The following TMCO4 variants were observed in gnomAD, a reference collection of about 807,000 sequenced individuals.
The protein encoded by TMCO4 is transmembrane and coiled-coil domain-containing protein 4.
Under a neutral mutation model 64.7 loss-of-function variants are expected in TMCO4, and 58 were observed. That is an observed-to-expected ratio of 0.90 (90% CI 0.73 to 1.12). TMCO4 has a LOEUF of 1.12. TMCO4 is among the 50% of genes most tolerant of loss of function. The pLI is 0.00. For synonymous variants in TMCO4, 325 were observed against 346.1 expected (o/e 0.94, Z 0.68); for missense variants, 780 against 825.9 (o/e 0.94, Z 0.68).
intron 13 of TMCO4, among the ~76,000 whole-genome samples, chr1:19,716,165 T>TATTATTA (rs148511891): frequency 4.1e-5 from 6 of 144,902 alleles, no homozygotes; most frequent in African/African-American, 1.5e-4. Flanking sequence ...TTATTTTTAT[T>TATTATTA]TTATTATTAT....
intron 4 of TMCO4, among the ~76,000 whole-genome samples, chr1:19,777,008 C>T (rs1454709310): frequency 8.2e-6 from 1 of 121,822 alleles, no homozygotes; most frequent in Non-Finnish European, 1.6e-5. Context: ...GCCTGGGCCA[C>T]AGAACGAGAC....
At chr1:19,690,897 C>G (rs1036291038) in intron 15 of TMCO4, among the ~76,000 whole-genome samples, 2 of 120,476 alleles carry the variant, frequency 1.7e-5, no homozygotes, top group African/African-American at 3.2e-5. Context: ...GAAACAGAGT[C>G]TTGCTCTGTC....
Position 19,756,659 on chromosome 1 carries a change from A to G in TMCO4, c.383-893T>C, listed in dbSNP as rs192782835. Among the ~76,000 whole-genome samples, 539 of 152,356 alleles carry G rather than the reference A, an allele frequency of 3.5e-3. 2 individuals are homozygous for G. The highest frequency in any genetic ancestry group is 6.3e-3 in the Non-Finnish European group (428 of 68,036). ...GTGATTCCTAAGAAAAGTATGTAAT[A>G]ACTTTCAAAAATAAGTTCTTACCCA... On this transcript the variant is annotated intron_variant, in intron 6 of 15. Coordinates refer to ENST00000294543, the MANE Select transcript of TMCO4 (RefSeq NM_181719.7).
chr1:19,702,741 G>T (rs2095281327), intron 13 of TMCO4, among the ~76,000 whole-genome samples: 1 of 152,252 alleles, frequency 6.6e-6, no homozygotes, highest in Admixed American at 6.5e-5. Context: ...ACCAGCCTGG[G>T]TGACAGAGGC....
chr1:19,715,105 A>T (rs1006332047), intron 13 of TMCO4, among the ~76,000 whole-genome samples: 1 of 152,062 alleles, frequency 6.6e-6, no homozygotes, highest in Non-Finnish European at 1.5e-5. Context: ...TTAGCCAGGC[A>T]CACCTACAGT....
chr1:19,765,012 C>T (rs1357254675), intron 6 of TMCO4, among the ~76,000 whole-genome samples: 3 of 152,108 alleles, frequency 2.0e-5, no homozygotes, highest in East Asian at 1.9e-4. Context: ...AGCAGAGCCA[C>T]GTCTGCGGTA....
intron 13 of TMCO4, among the ~76,000 whole-genome samples, chr1:19,736,405 C>A (rs904788122): frequency 7.9e-5 from 12 of 152,198 alleles, no homozygotes; most frequent in African/African-American, 1.4e-4. Context: ...GGTGAGGACA[C>A]AACCAAATCA....
intron 6 of TMCO4, among the ~76,000 whole-genome samples, chr1:19,768,212 C>T (rs1225398796): frequency 6.6e-6 from 1 of 152,138 alleles, no homozygotes; most frequent in Non-Finnish European, 1.5e-5. Flanking sequence ...GAAATGCCAG[C>T]ACAAGCCCTT....
chr1:19,711,647 C>T (rs1447039523), intron 13 of TMCO4, among the ~76,000 whole-genome samples: 2 of 151,778 alleles, frequency 1.3e-5, no homozygotes, highest in African/African-American at 4.8e-5. Context: ...CACCACCATG[C>T]TGGGCTAATT....
chr1:19,790,059 A>C (rs977344943), intron 2 of TMCO4, among the ~76,000 whole-genome samples: 1 of 131,028 alleles, frequency 7.6e-6, no homozygotes, highest in African/African-American at 4.1e-5. Context: ...CTGCCTCAGA[A>C]AAAAAAAAAA....
intron 12 of TMCO4, 58 bp from the exon 13 acceptor site, chr1:19,737,514 T>C (rs2095460584): frequency 6.4e-7 from 1 of 1,556,322 alleles, no homozygotes; most frequent in Admixed American, 1.7e-5. Context: ...TAGCAAAACA[T>C]CAGGCCTGAG....
chr1:19,700,864 T>C lies in TMCO4; in HGVS notation c.1286A>G (p.Asp429Gly). ...CACAGGCGCACCCAGCAGGATGACG[T>C]CCTCGATGATTCCTTGGCAATCTGG... ...QEKDCQGIIE[D>G]VILLGAPVEG... Residue 429 changes from aspartate (D) to glycine (G), a missense_variant, in exon 14 of 16, where the codon GAC becomes GGC. By Grantham distance (94) the Asp-to-Gly change is moderately conservative. Coordinates refer to ENST00000294543, the MANE Select transcript of TMCO4 (RefSeq NM_181719.7). The C allele has an allele frequency of 6.2e-7, 1 of 1,614,212 alleles. No individual in the cohort carries two copies.
intron 13 of TMCO4, among the ~76,000 whole-genome samples, chr1:19,725,134 C>T (rs1271764104): frequency 6.6e-6 from 1 of 152,180 alleles, no homozygotes; most frequent in East Asian, 1.9e-4. Flanking sequence ...AGCCCGCTTA[C>T]AGATGGCAAA....
intron 14 of TMCO4, among the ~76,000 whole-genome samples, chr1:19,699,755 G>GA (rs2095259544): frequency 6.6e-6 from 1 of 152,046 alleles, no homozygotes; most frequent in East Asian, 1.9e-4. Context: ...AATGATGAAT[G>GA]AAAAAAATGG....
intron 2 of TMCO4, among the ~76,000 whole-genome samples, chr1:19,795,318 A>T (rs1226362619): frequency 2.6e-5 from 4 of 152,072 alleles, no homozygotes. Context: ...AAAAATACAC[A>T]AAAATTAGCT....
intron 14 of TMCO4, among the ~76,000 whole-genome samples, chr1:19,700,341 T>C (rs2095263648): frequency 6.6e-6 from 1 of 152,046 alleles, no homozygotes; most frequent in Non-Finnish European, 1.5e-5. Flanking sequence ...AAGCTCAGCC[T>C]AGGCCCCTCC....
intron 15 of TMCO4, among the ~76,000 whole-genome samples, chr1:19,690,993 C>T (rs932383906): frequency 2.0e-5 from 3 of 151,814 alleles, no homozygotes; most frequent in East Asian, 3.9e-4. Flanking sequence ...CTCAGCCTCC[C>T]GAGTAGCTGG....
chr1:19,748,449 C>A (rs186502340), intron 7 of TMCO4, among the ~76,000 whole-genome samples: 11 of 152,304 alleles, frequency 7.2e-5, no homozygotes, highest in Admixed American at 2.0e-4. Context: ...ATGTGCTCAA[C>A]CAGTACCTGT....
chr1:19,791,980 G>C (rs980941937), intron 2 of TMCO4, among the ~76,000 whole-genome samples: 13 of 152,166 alleles, frequency 8.5e-5, no homozygotes, highest in Non-Finnish European at 1.5e-5. Context: ...TCTCGTGAGA[G>C]TGAATAAGTC....
Sources: allele counts gnomAD v4.1 joint callset (sites outside exome capture counted in the v4.1 genomes callset), GRCh38; gene constraint gnomAD v4.1.1; transcripts MANE v1.5; gene names NCBI Gene and HGNC (gene_info 2026-07-23, HGNC 2026-07-21).